CHRM3: variants seen among roughly 807,000 people sequenced by gnomAD.
CHRM3 encodes cholinergic receptor muscarinic 3.
In CHRM3, 11 loss-of-function variants were observed where a neutral mutation model predicts 41.8. That is an observed-to-expected ratio of 0.26 (90% CI 0.17 to 0.44). The LOEUF is 0.44. Among genes scored for constraint, CHRM3 ranks in the 20% least tolerant of loss-of-function variants. CHRM3 has a pLI of 1.00. For missense variants in CHRM3, 571 were observed against 745.4 expected (o/e 0.77, Z 2.72); for synonymous variants, 297 against 301.4 (o/e 0.99, Z 0.15).
chr1:239,508,343 GA>G (rs1402283373), intron 2 of CHRM3, among the ~76,000 whole-genome samples: 1 of 152,146 alleles, frequency 6.6e-6, no homozygotes, highest in African/African-American at 2.4e-5. Flanking sequence ...ATGAATGTCA[GA>G]AGTTCTCATT....
At chr1:239,389,549 T>C (rs367864332) in intron 1 of CHRM3, among the ~76,000 whole-genome samples, 41 of 152,196 alleles carry the variant, frequency 2.7e-4, no homozygotes, top group Admixed American at 6.5e-4. Flanking sequence ...TTTAATGATA[T>C]TTTAGCCTTT....
chr1:239,484,786 A>C (rs1237413808), intron 1 of CHRM3, among the ~76,000 whole-genome samples: 1 of 152,156 alleles, frequency 6.6e-6, no homozygotes, highest in Non-Finnish European at 1.5e-5. Flanking sequence ...ACACTGACAT[A>C]TGTCAGAGCC....
chr1:239,865,121 G>A (rs1014088699), intron 6 of CHRM3, among the ~76,000 whole-genome samples: 50 of 152,074 alleles, frequency 3.3e-4, no homozygotes, highest in African/African-American at 1.1e-3. Context: ...TTCACACCAC[G>A]GCATGTAATG....
chr1:239,900,411 G>A (rs7527677), intron 6 of CHRM3, among the ~76,000 whole-genome samples: 1 of 143,250 alleles, frequency 7.0e-6, no homozygotes, highest in Non-Finnish European at 1.5e-5. Flanking sequence ...CCTTATGACC[G>A]GCTGATCACT....
chr1:239,740,611 C>A (rs1256186680), intron 5 of CHRM3, among the ~76,000 whole-genome samples: 1 of 152,048 alleles, frequency 6.6e-6, no homozygotes, highest in African/African-American at 2.4e-5. Flanking sequence ...TAATGCTCTC[C>A]CTCCCCTTGC....
intron 3 of CHRM3, among the ~76,000 whole-genome samples, chr1:239,565,052 T>C (rs1661222156): frequency 6.6e-6 from 1 of 152,092 alleles, no homozygotes; most frequent in Admixed American, 6.6e-5. Flanking sequence ...GTCACTCCAG[T>C]CTCCGCTTCC....
intron 2 of CHRM3, among the ~76,000 whole-genome samples, chr1:239,544,168 G>A (rs1239871615): frequency 1.3e-5 from 2 of 152,164 alleles, no homozygotes; most frequent in African/African-American, 4.8e-5. Context: ...GACCACTAGA[G>A]TCTCCAAGCT....
At chr1:239,785,483 A>G (rs796347167) in intron 5 of CHRM3, among the ~76,000 whole-genome samples, 18 of 152,358 alleles carry the variant, frequency 1.2e-4, no homozygotes, top group African/African-American at 3.8e-4. Flanking sequence ...TTCTGTCTGC[A>G]TGCGTGAAGA....
intron 1 of CHRM3, among the ~76,000 whole-genome samples, chr1:239,453,734 A>G (rs1023731746): frequency 1.3e-5 from 2 of 152,164 alleles, no homozygotes; most frequent in Non-Finnish European, 1.5e-5. Flanking sequence ...TCATGAGCAA[A>G]TATGTCTGTT....
At chr1:239,729,876 G>A (rs1042112646) in intron 5 of CHRM3, among the ~76,000 whole-genome samples, 6 of 151,832 alleles carry the variant, frequency 4.0e-5, no homozygotes, top group African/African-American at 1.2e-4. Flanking sequence ...TACTACTTTC[G>A]AGTTTGGGTG....
intron 5 of CHRM3, among the ~76,000 whole-genome samples, chr1:239,744,747 G>C (rs1665196931): frequency 1.3e-5 from 2 of 152,178 alleles, no homozygotes; most frequent in African/African-American, 4.8e-5. Context: ...AGTCAGTAAT[G>C]ATGCCTGGAA....
rs990293976 is a variant in CHRM3 at position 239,565,229 on chromosome 1, A to T, written c.-313+19480A>T. ...GACCCTTTTTCCAAATAAGGTTAAC[A>T]TTTATAGATTCTAGGGATTAGGATC... On this transcript the variant is annotated intron_variant, in intron 3 of 6. Coordinates refer to ENST00000676153, the MANE Select transcript of CHRM3 (RefSeq NM_001375978.1). 2.0e-5 allele frequency among the ~76,000 whole-genome samples: 3 copies of T among 152,204 alleles called. No homozygotes were observed. The East Asian group carries it at 5.8e-4, about 29-fold the overall frequency.
intron 2 of CHRM3, among the ~76,000 whole-genome samples, chr1:239,544,499 C>T (rs559773737): frequency 3.3e-5 from 5 of 152,180 alleles, no homozygotes; most frequent in Admixed American, 2.6e-4. Flanking sequence ...TATATTTGAA[C>T]TTCATTCAAA....
At chr1:239,807,119 G>A (rs1359062260) in intron 5 of CHRM3, among the ~76,000 whole-genome samples, 2 of 152,130 alleles carry the variant, frequency 1.3e-5, no homozygotes, top group Non-Finnish European at 2.9e-5. Flanking sequence ...TTCTTCTGCA[G>A]GTTTTGATTG....
At chr1:239,502,881 A>G (rs1558271861) in intron 2 of CHRM3, among the ~76,000 whole-genome samples, 1 of 152,218 alleles carries the variant, frequency 6.6e-6, no homozygotes, top group Non-Finnish European at 1.5e-5. Flanking sequence ...TAAAACTCTC[A>G]GCAAAATCAG....
intron 4 of CHRM3, among the ~76,000 whole-genome samples, chr1:239,640,965 G>T (rs1342145702): frequency 6.6e-6 from 1 of 150,948 alleles, no homozygotes; most frequent in Non-Finnish European, 1.5e-5. Flanking sequence ...GGTATGTTGT[G>T]TCTTTGTTCT....
chr1:239,754,487 A>G (rs12126146), intron 5 of CHRM3, among the ~76,000 whole-genome samples: 11,926 of 152,268 alleles, frequency 0.078, 597 homozygotes, highest in South Asian at 0.18. Context: ...GGTTCTCCCA[A>G]TGACTGGGGA....
intron 2 of CHRM3, among the ~76,000 whole-genome samples, chr1:239,495,050 G>C (rs535063298): frequency 2.6e-5 from 4 of 152,082 alleles, no homozygotes; most frequent in South Asian, 4.1e-4. Flanking sequence ...TCAGCACTCT[G>C]TTGTACATTT....
intron 3 of CHRM3, among the ~76,000 whole-genome samples, chr1:239,594,049 C>A (rs1664503709): frequency 6.6e-6 from 1 of 152,114 alleles, no homozygotes; most frequent in African/African-American, 2.4e-5. Flanking sequence ...AGCAGGTATC[C>A]TTTTTTCTCC....
Sources: gnomAD v4.1 joint callset for allele counts (sites outside exome capture counted in the v4.1 genomes callset) on GRCh38, gnomAD v4.1.1 for gene constraint, MANE v1.5 for transcripts, NCBI Gene and HGNC (gene_info 2026-07-23, HGNC 2026-07-21) for gene names.